MYL6: variants seen among roughly 807,000 people sequenced by gnomAD.
MYL6 encodes the protein myosin light polypeptide 6.
In MYL6, 20 loss-of-function variants were observed where a neutral mutation model predicts 20.3. The observed-to-expected ratio is 0.98, with a 90% CI of 0.69 to 1.43. The LOEUF is 1.43. MYL6 is among the 40% of genes most tolerant of loss of function. The pLI, the probability that MYL6 is intolerant of heterozygous loss-of-function variation, is 0.00. For synonymous variants in MYL6, 77 were observed against 72.4 expected, an observed-to-expected ratio of 1.06 and a Z score of -0.32; for missense variants, 164 against 191.0, an observed-to-expected ratio of 0.86 and a Z score of 0.83.
chr12:56,161,482 T>C lies in MYL6; in HGVS notation c.*112T>C. On this transcript the variant is annotated 3_prime_UTR_variant, in exon 7 of 7. Coordinates refer to ENST00000550697, the MANE Select transcript of MYL6 (RefSeq NM_021019.5). The stretch of plus-strand genomic sequence containing the variant: ...TGAATTTTGTATCTAGCCTAAAGTT[T>C]CCCTAGGCTTTCTTGTCTCAGCAAC... 6.4e-7 allele frequency: 1 copy of C among 1,564,280 alleles called. No individual in the cohort carries two copies.
intron 2 of MYL6, 200 bp from the exon 3 acceptor site, chr12:56,159,387 C>T: frequency 1.6e-6 from 1 of 632,700 alleles, no homozygotes; most frequent in Non-Finnish European, 2.5e-6. Flanking sequence ...ACCAGGCTGC[C>T]AGAAGGGGAG....
rs1269626199 is a variant in MYL6, at chr12:56,158,411, C to A, written c.3+7C>A. On this transcript the variant is annotated splice_region_variant and intron_variant, in intron 1 of 6. Coordinates refer to ENST00000550697, the MANE Select transcript of MYL6 (RefSeq NM_021019.5). The stretch of plus-strand genomic sequence containing the variant: ...GAGCTGAGCAGTCAAGATGGTGGGG[C>A]CCAGGTCTTGGGAGACGGGCAGGAT... 2.0e-6 allele frequency: 3 copies of A among 1,529,738 alleles called. No individual in the cohort carries two copies. In the South Asian group the frequency reaches 3.9e-5, roughly 20 times the overall value. The allele number at this position is 1,529,738 out of a possible 1,614,324, so 94.8% of individuals were successfully genotyped here. A position where few individuals can be genotyped will look rare whatever the true frequency, so the allele number is the denominator to read the frequency against.
Position 56,161,514 on chromosome 12 carries a change from A to G in MYL6, c.*144A>G. On this transcript the variant is annotated 3_prime_UTR_variant, in exon 7 of 7. Transcript: ENST00000550697. ...GCTTTCTTGTCTCAGCAACTTTCCC[A>G]TCTTGTCTCTCTTGGATGATGTTTG... 3 of 1,409,170 alleles carry G rather than the reference A, an allele frequency of 2.1e-6. No individual in the cohort carries two copies. Among genetic ancestry groups the G allele is most frequent in the East Asian group, 4.6e-5 (2 of 43,882 alleles). 87.3% of individuals were successfully genotyped at this position (1,409,170 alleles called of 1,614,324 possible).
At chr12:56,158,556 G>A (rs1871474648) in intron 1 of MYL6, 128 bp from the exon 2 acceptor site, 2 of 1,613,404 alleles carry the variant, frequency 1.2e-6, no homozygotes, top group Non-Finnish European at 1.7e-6. Flanking sequence ...GGCCCTGCGG[G>A]GAAGCGAGTC....
rs1220986985 is a variant in MYL6, at chr12:56,158,462, G to C, written c.3+58G>C. On this transcript the variant is annotated intron_variant, in intron 1 of 6. Coordinates refer to ENST00000550697, the MANE Select transcript of MYL6 (RefSeq NM_021019.5). ...TGGGGACGAGAGGCAGGAAGAGACGGGTGGGGGGCGAGGAGAAGGCAGGGG... is the reference window on the plus strand; with the variant it reads ...TGGGGACGAGAGGCAGGAAGAGACGCGTGGGGGGCGAGGAGAAGGCAGGGG... 12 of 1,562,654 alleles carry C rather than the reference G, an allele frequency of 7.7e-6. No homozygotes were observed. The East Asian group carries it at 2.5e-4, about 32-fold the overall frequency.
At chr12:56,158,973 CTG>C (rs1423048704) in intron 2 of MYL6, 5 of 1,380,144 alleles carry the variant, frequency 3.6e-6, no homozygotes, top group Non-Finnish European at 4.7e-6. Flanking sequence ...TTAATGCCTG[CTG>C]TGTGTGGGGT....
chr12:56,160,976 A>T, intron 6 of MYL6: 1 of 566,402 alleles, frequency 1.8e-6, no homozygotes, highest in Non-Finnish European at 3.2e-6. Flanking sequence ...GCCCTGGAGC[A>T]TGGGTAGCTG....
intron 2 of MYL6, 64 bp from the exon 3 acceptor site, chr12:56,159,521 CAG>C: frequency 6.4e-7 from 1 of 1,573,882 alleles, no homozygotes; most frequent in Non-Finnish European, 8.7e-7. Flanking sequence ...GAATGGGCAG[CAG>C]AGCTCTGAGG....
chr12:56,159,489 T>A, intron 2 of MYL6, 98 bp from the exon 3 acceptor site: 1 of 1,494,092 alleles, frequency 6.7e-7, no homozygotes, highest in South Asian at 1.3e-5. Context: ...AGATATCTCG[T>A]TTCCTCAGCA....
Position 56,161,372 on chromosome 12 carries a change from C to T in MYL6, c.*17-15C>T. On this transcript the variant is annotated splice_polypyrimidine_tract_variant and intron_variant, in intron 6 of 6. Coordinates refer to ENST00000550697, the MANE Select transcript of MYL6 (RefSeq NM_021019.5). ...AGCCCTGTTCCCTGGCTCATCCCAC[C>T]TTTCCTTTCCACAGAGCTCGTCCGC... 6.2e-7 allele frequency: 1 copy of T among 1,614,138 alleles called. No individual in the cohort carries two copies. The highest frequency in any genetic ancestry group is 8.5e-7 in the Non-Finnish European group (1 of 1,179,996).
chr12:56,159,777 GTTC>G (rs1382798353), intron 3 of MYL6, 47 bp downstream of exon 3: 5 of 1,587,962 alleles, frequency 3.1e-6, no homozygotes, highest in Non-Finnish European at 3.4e-6. Context: ...TGGGCCCACA[GTTC>G]TTCAGCTAAG....
In MYL6 at chr12:56,161,507, C is replaced by T. The variant is rs1871868604; in HGVS notation, c.*137C>T. The T allele has an allele frequency of 6.9e-7, 1 of 1,448,346 alleles. No homozygotes were observed. The highest frequency in any genetic ancestry group is 9.7e-7 in the Non-Finnish European group (1 of 1,031,636). The allele number at this position is 1,448,346 out of a possible 1,614,324, so 89.7% of individuals were successfully genotyped here. ...TCCCTAGGCTTTCTTGTCTCAGCAA[C>T]TTTCCCATCTTGTCTCTCTTGGATG... is the stretch of plus-strand genomic sequence containing the variant. On this transcript the variant is annotated 3_prime_UTR_variant, in exon 7 of 7. Transcript: ENST00000550697.
intron 3 of MYL6, 84 bp from the exon 4 acceptor site, chr12:56,159,891 T>G (rs1402433748): frequency 6.5e-6 from 10 of 1,530,886 alleles, no homozygotes; most frequent in Non-Finnish European, 8.8e-6. Flanking sequence ...GTCATCTCTC[T>G]GTTCAGTTGA....
chr12:56,160,679 C>T lies in MYL6; in HGVS notation c.*16+9C>T. ...ACGGGCCCATGGGGCGGGTACGGCT[C>T]CTCCCAGCCTCTCCTCTAGTTGATC... On this transcript the variant is annotated intron_variant, in intron 6 of 6. Transcript: ENST00000550697. The T allele has an allele frequency of 6.2e-7, 1 of 1,613,868 alleles. No homozygotes were observed. The highest frequency in any genetic ancestry group is 8.5e-7 in the Non-Finnish European group (1 of 1,179,828).
intron 1 of MYL6, 75 bp downstream of exon 1, chr12:56,158,479 A>T: frequency 6.4e-7 from 1 of 1,568,638 alleles, no homozygotes; most frequent in Admixed American, 1.8e-5. Context: ...GGCGAGGAGA[A>T]GGCAGGGGTA....
At chr12:56,160,481 G>C in intron 5 of MYL6, 145 bp from the exon 6 acceptor site, 1 of 1,400,510 alleles carries the variant, frequency 7.1e-7, no homozygotes, top group Non-Finnish European at 1.0e-6. Context: ...AGGTCAGGGC[G>C]GTATAACAGG....
intron 6 of MYL6, 77 bp downstream of exon 6, chr12:56,160,747 C>T (rs1340450123): frequency 1.2e-5 from 18 of 1,471,292 alleles, no homozygotes; most frequent in Admixed American, 1.7e-5. Flanking sequence ...TCTTTATCCC[C>T]TGCCCTTACC....
At chr12:56,160,194 G>C in intron 4 of MYL6, 46 bp downstream of exon 4, 1 of 1,613,700 alleles carries the variant, frequency 6.2e-7, no homozygotes, top group Non-Finnish European at 8.5e-7. Context: ...GCACCCTGAG[G>C]TACCTCACTT....
chr12:56,158,470 G>T, intron 1 of MYL6, 66 bp downstream of exon 1: 5 of 1,564,656 alleles, frequency 3.2e-6, no homozygotes, highest in Non-Finnish European at 4.3e-6. Context: ...CGGGTGGGGG[G>T]CGAGGAGAAG....
Sources: allele counts gnomAD v4.1 joint callset, GRCh38; gene constraint gnomAD v4.1.1; transcripts MANE v1.5; gene names NCBI Gene and HGNC (gene_info 2026-07-23, HGNC 2026-07-21).